ACYP2: variants seen among roughly 807,000 people sequenced by gnomAD.
The protein encoded by ACYP2 is acylphosphatase-2.
ACYP2 carries 12 observed loss-of-function variants against 11.2 expected under a neutral mutation model. The ratio of observed to expected loss-of-function variants is 1.08; its 90% CI spans 0.69 to 1.74. The LOEUF is 1.74. Ranked by LOEUF, ACYP2 falls within the 40% of genes most tolerant of loss-of-function variation. The probability of loss-of-function intolerance (pLI) is 0.00; values close to 1 mark genes in which losing one functional copy is unlikely to be tolerated. For synonymous variants in ACYP2, 43 were observed against 32.2 expected (o/e 1.33, Z -1.13); for missense variants, 134 against 101.9 (o/e 1.31, Z -1.35).
intron 6 of ACYP2, among the ~76,000 whole-genome samples, chr2:54,175,683 T>A (rs1166480358): frequency 6.6e-6 from 1 of 152,096 alleles, no homozygotes; most frequent in African/African-American, 2.4e-5. Flanking sequence ...GCTTTTTTAC[T>A]GTAAATTTAC....
chr2:54,101,497 C>T (rs1198830798), intron 4 of ACYP2, among the ~76,000 whole-genome samples: 5 of 151,896 alleles, frequency 3.3e-5, no homozygotes, highest in African/African-American at 9.7e-5. Flanking sequence ...GGTGAAACCC[C>T]GTCTCTACTA....
At chr2:54,221,090 G>C (rs533880328) in intron 6 of ACYP2, among the ~76,000 whole-genome samples, 1 of 152,202 alleles carries the variant, frequency 6.6e-6, no homozygotes, top group South Asian at 2.1e-4. Context: ...CATTTGTTAT[G>C]AGAAGAGCTT....
At chr2:54,291,711 G>C (rs1024720668) in intron 6 of ACYP2, among the ~76,000 whole-genome samples, 1 of 152,140 alleles carries the variant, frequency 6.6e-6, no homozygotes, top group Non-Finnish European at 1.5e-5. Context: ...CATGTGGCTC[G>C]GGGGCCAACA....
intron 3 of ACYP2, among the ~76,000 whole-genome samples, chr2:54,052,159 G>C (rs1028165858): frequency 2.0e-5 from 3 of 152,068 alleles, no homozygotes; most frequent in Non-Finnish European, 4.4e-5. Context: ...TGCTGAATAA[G>C]TTTGTTTTAG....
chr2:54,114,576 T>C (rs1442981931), intron 4 of ACYP2, among the ~76,000 whole-genome samples: 2 of 152,040 alleles, frequency 1.3e-5, no homozygotes, highest in African/African-American at 4.8e-5. Flanking sequence ...CCCAGCTACT[T>C]GGAAGGCTGA....
chr2:54,155,298 T>C (rs1485577727), intron 6 of ACYP2, among the ~76,000 whole-genome samples: 1 of 152,222 alleles, frequency 6.6e-6, no homozygotes, highest in Non-Finnish European at 1.5e-5. Flanking sequence ...ATTTTATTTA[T>C]TTTTGCCCTG....
At chr2:54,250,123 T>C (rs921536456) in intron 6 of ACYP2, among the ~76,000 whole-genome samples, 1 of 152,086 alleles carries the variant, frequency 6.6e-6, no homozygotes, top group African/African-American at 2.4e-5. Flanking sequence ...ACCTACCTTT[T>C]CCATCCTCAT....
intron 6 of ACYP2, chr2:54,254,841 C>T (rs540061426): frequency 2.0e-5 from 28 of 1,414,336 alleles, no homozygotes; most frequent in Non-Finnish European, 2.4e-5. Flanking sequence ...AAAGGGCATA[C>T]CTAATGCTGT....
At chr2:54,249,940 C>CAAAAAAA (rs1015312135) in intron 6 of ACYP2, among the ~76,000 whole-genome samples, 1 of 44,452 alleles carries the variant, frequency 2.2e-5, no homozygotes, top group African/African-American at 6.4e-5. Context: ...GACCCTGTCT[C>CAAAAAAA]AAAAAAAAAA....
At chr2:54,173,713 G>A (rs1683319328) in intron 6 of ACYP2, among the ~76,000 whole-genome samples, 1 of 152,090 alleles carries the variant, frequency 6.6e-6, no homozygotes, top group African/African-American at 2.4e-5. Flanking sequence ...ATTAATTTTT[G>A]TATAAGGTGT....
chr2:54,043,269 A>AAAGGAATCCAATAT (rs1675343445), intron 2 of ACYP2, among the ~76,000 whole-genome samples: 1 of 152,194 alleles, frequency 6.6e-6, no homozygotes, highest in Non-Finnish European at 1.5e-5. Context: ...GGGACAATCA[A>AAAGGAATCCAATAT]AAGGAATCCA....
chr2:54,022,840 G>T (rs944379588), intron 2 of ACYP2, among the ~76,000 whole-genome samples: 7 of 152,174 alleles, frequency 4.6e-5, no homozygotes, highest in Admixed American at 2.6e-4. Flanking sequence ...AGAGGAATCC[G>T]AATGGACAGG....
At chr2:54,269,691 C>T (rs1296332936) in intron 6 of ACYP2, among the ~76,000 whole-genome samples, 2 of 152,054 alleles carry the variant, frequency 1.3e-5, no homozygotes, top group Admixed American at 1.3e-4. Flanking sequence ...AACTTTTTTG[C>T]TCTCATCTCT....
chr2:54,298,536 C>T (rs533035101), intron 6 of ACYP2, among the ~76,000 whole-genome samples: 59 of 152,150 alleles, frequency 3.9e-4, no homozygotes, highest in Admixed American at 1.2e-3. Flanking sequence ...AGCAGATGAG[C>T]GGGTGGTAAT....
At chr2:54,153,098 G>T (rs1185087653) in intron 6 of ACYP2, among the ~76,000 whole-genome samples, 1 of 152,038 alleles carries the variant, frequency 6.6e-6, no homozygotes, top group Non-Finnish European at 1.5e-5. Context: ...TTTAAAATCA[G>T]TTTCAGGTCT....
intron 6 of ACYP2, among the ~76,000 whole-genome samples, chr2:54,151,263 T>C (rs1199014735): frequency 6.6e-6 from 1 of 152,180 alleles, no homozygotes; most frequent in Non-Finnish European, 1.5e-5. Context: ...CAATGGTAAA[T>C]TGAAATGCAA....
chr2:54,060,737 T>C (rs1676427345), intron 4 of ACYP2, among the ~76,000 whole-genome samples: 1 of 152,230 alleles, frequency 6.6e-6, no homozygotes, highest in Non-Finnish European at 1.5e-5. Flanking sequence ...CACAGGATGT[T>C]CTCAAATGCT....
At chr2:53,985,631 A>G (rs1672001235) in intron 2 of ACYP2, among the ~76,000 whole-genome samples, 1 of 152,188 alleles carries the variant, frequency 6.6e-6, no homozygotes, top group Admixed American at 6.6e-5. Flanking sequence ...ATGTTTGCAC[A>G]ATGAAATACC....
intron 4 of ACYP2, among the ~76,000 whole-genome samples, chr2:54,128,827 G>T (rs1680713178): frequency 1.3e-5 from 2 of 151,946 alleles, no homozygotes; most frequent in African/African-American, 4.8e-5. Flanking sequence ...GAATAATTTG[G>T]CAGGGGAGAT....
Sources: allele counts gnomAD v4.1 joint callset (sites outside exome capture counted in the v4.1 genomes callset), GRCh38; gene constraint gnomAD v4.1.1; transcripts MANE v1.5; gene names NCBI Gene and HGNC (gene_info 2026-07-23, HGNC 2026-07-21).